The following SYN3 variants were observed in gnomAD, a reference collection of about 807,000 sequenced individuals.
SYN3 encodes synapsin-3.
SYN3 carries 35 observed loss-of-function variants against 65.8 expected under a neutral mutation model. The observed-to-expected ratio is 0.53, with a 90% CI of 0.41 to 0.70. SYN3 has a LOEUF of 0.70. SYN3 is among the 30% of genes least tolerant of loss of function. The pLI, the probability that SYN3 is intolerant of heterozygous loss-of-function variation, is 0.00. For missense variants in SYN3, 680 were observed against 749.0 expected (o/e 0.91, Z 1.08); for synonymous variants, 270 against 292.9 (o/e 0.92, Z 0.80).
At chr22:32,653,419 G>C (rs4821081) in intron 6 of SYN3, among the ~76,000 whole-genome samples, 52,899 of 151,954 alleles carry the variant, frequency 0.35, 11,652 homozygotes, top group East Asian at 0.75. Context: ...TGCTGCCAAT[G>C]AAAAATGAAA....
Position 32,531,374 on chromosome 22 carries a change from A to G in SYN3, c.1096-2366T>C, listed in dbSNP as rs116050840. ...GTCCTCTCTCCCCCTGCCCCTGCCA[A>G]CCCCATTTTATTCTGGTCTCTGTTT... On this transcript the variant is annotated intron_variant, in intron 10 of 13. Transcript: ENST00000358763. 9.5e-3 allele frequency among the ~76,000 whole-genome samples: 1,442 copies of G among 151,738 alleles called. 16 individuals are homozygous for G. Among genetic ancestry groups the G allele is most frequent in the South Asian group, 0.037 (177 of 4,792 alleles).
chr22:32,778,352 G>T (rs965773636), intron 6 of SYN3, among the ~76,000 whole-genome samples: 4 of 151,994 alleles, frequency 2.6e-5, no homozygotes. Flanking sequence ...GCAGAGGCAC[G>T]ATCTTGGCTC....
At chr22:32,576,809 A>C (rs1601675790) in intron 7 of SYN3, among the ~76,000 whole-genome samples, 2 of 137,772 alleles carry the variant, frequency 1.5e-5, no homozygotes. Flanking sequence ...CCCGCTTCCA[A>C]CCCCCACCCC....
At chr22:32,685,445 C>T (rs892233642) in intron 6 of SYN3, among the ~76,000 whole-genome samples, 1 of 152,200 alleles carries the variant, frequency 6.6e-6, no homozygotes, top group African/African-American at 2.4e-5. Context: ...ACAGTGGTCC[C>T]ACAAGATTGT....
chr22:32,561,079 C>T (rs2058580219), intron 7 of SYN3, among the ~76,000 whole-genome samples: 1 of 152,168 alleles, frequency 6.6e-6, no homozygotes, highest in African/African-American at 2.4e-5. Context: ...CAGTTGTGCC[C>T]ACGATCAGAG....
At chr22:32,868,522 C>A (rs2048751341) in intron 5 of SYN3, among the ~76,000 whole-genome samples, 1 of 151,888 alleles carries the variant, frequency 6.6e-6, no homozygotes, top group Non-Finnish European at 1.5e-5. Context: ...CTCACCACAA[C>A]CTCCGCCTCC....
Position 32,801,808 on chromosome 22 carries a change from C to T in SYN3, c.711+63107G>A, listed in dbSNP as rs2046590106. 1 of 522,394 alleles carries T rather than the reference C, an allele frequency of 1.9e-6. No individual in the cohort carries two copies. The highest frequency in any genetic ancestry group is 2.7e-6 in the Non-Finnish European group (1 of 370,432). 32.4% of individuals were successfully genotyped at this position (522,394 alleles called of 1,614,324 possible). A position where few individuals can be genotyped will look rare whatever the true frequency, so the allele number is the denominator to read the frequency against. ...CCGGGAGGCCGCCCGCCGAGTCCTGCGCCAGCGCCGAGGCAGCCTCGCTGC... is the reference window on the plus strand; with the variant it reads ...CCGGGAGGCCGCCCGCCGAGTCCTGTGCCAGCGCCGAGGCAGCCTCGCTGC... On this transcript the variant is annotated intron_variant, in intron 6 of 13. Coordinates refer to ENST00000358763, the MANE Select transcript of SYN3 (RefSeq NM_003490.4). This position sits in a 1 kb window ranked among gnomAD's most constrained non-coding sequence, Gnocchi z 4.7.
At chr22:33,048,843 A>G (rs182576487) in intron 1 of SYN3, among the ~76,000 whole-genome samples, 59 of 152,338 alleles carry the variant, frequency 3.9e-4, no homozygotes, top group Admixed American at 3.5e-3. Context: ...TCCAAACTGA[A>G]TGACGGAAAC....
intron 7 of SYN3, among the ~76,000 whole-genome samples, chr22:32,560,595 C>T (rs5998538): frequency 0.25 from 37,609 of 151,940 alleles, 5,084 homozygotes; most frequent in Admixed American, 0.33. Context: ...GAGAAGAGGC[C>T]GATGTGGATG....
intron 6 of SYN3, among the ~76,000 whole-genome samples, chr22:32,642,221 G>A (rs1027639800): frequency 1.3e-5 from 2 of 151,118 alleles, no homozygotes; most frequent in Admixed American, 6.6e-5. Context: ...CCTGGGAGAC[G>A]GAGGTTGCAG....
chr22:32,572,176 C>A (rs1337933701), intron 7 of SYN3, among the ~76,000 whole-genome samples: 1 of 147,462 alleles, frequency 6.8e-6, no homozygotes, highest in East Asian at 2.1e-4. Flanking sequence ...GTATAAAGTA[C>A]AGGTAGGTTT....
At chr22:32,922,323 T>G (rs1421530085) in intron 4 of SYN3, among the ~76,000 whole-genome samples, 1 of 152,150 alleles carries the variant, frequency 6.6e-6, no homozygotes, top group Non-Finnish European at 1.5e-5. Context: ...CCCCATCCAT[T>G]GGTGTTTCAG....
chr22:32,741,346 A>AGTTTTTTTTTTTT, intron 6 of SYN3, among the ~76,000 whole-genome samples: 2 of 137,322 alleles, frequency 1.5e-5, no homozygotes, highest in African/African-American at 5.5e-5. Context: ...TCTAGAGCCC[A>AGTTTTTTTTTTTT]ATTTTTTTTT....
intron 13 of SYN3, among the ~76,000 whole-genome samples, chr22:32,516,628 A>C (rs1016435949): frequency 1.1e-4 from 16 of 152,142 alleles, no homozygotes; most frequent in African/African-American, 3.1e-4. Flanking sequence ...GGCCTCCCAA[A>C]GTGTTGGGAT....
intron 1 of SYN3, among the ~76,000 whole-genome samples, chr22:33,045,290 G>T (rs1053010943): frequency 6.6e-6 from 1 of 152,094 alleles, no homozygotes; most frequent in Non-Finnish European, 1.5e-5. Flanking sequence ...TGTGTTCCAG[G>T]TGAACTGCTT....
intron 4 of SYN3, among the ~76,000 whole-genome samples, chr22:32,916,077 C>T (rs1406071958): frequency 6.6e-6 from 1 of 152,192 alleles, no homozygotes; most frequent in Non-Finnish European, 1.5e-5. Context: ...AACCAGCTAC[C>T]ACATGAGAAA....
At chr22:32,763,098 T>C (rs1484130661) in intron 6 of SYN3, among the ~76,000 whole-genome samples, 5 of 152,128 alleles carry the variant, frequency 3.3e-5, no homozygotes, top group Non-Finnish European at 7.3e-5. Context: ...TTTTTTAAAG[T>C]GTAACATAAC....
At chr22:32,964,197 G>A (rs113043260) in intron 3 of SYN3, among the ~76,000 whole-genome samples, 1,828 of 148,470 alleles carry the variant, frequency 0.012, 52 homozygotes, top group African/African-American at 0.043. Flanking sequence ...ACCAAACACC[G>A]CATGTTCTCA....
chr22:32,905,051 C>T (rs2049864444), intron 4 of SYN3, among the ~76,000 whole-genome samples: 1 of 152,146 alleles, frequency 6.6e-6, no homozygotes, highest in Non-Finnish European at 1.5e-5. Context: ...GTTTTCTCAT[C>T]TATAAAACCA....
Sources: gnomAD v4.1 joint callset for allele counts (sites outside exome capture counted in the v4.1 genomes callset) on GRCh38, gnomAD v4.1.1 for gene constraint, Gnocchi (gnomAD v3.1) non-coding constraint, MANE v1.5 for transcripts, NCBI Gene and HGNC (gene_info 2026-07-23, HGNC 2026-07-21) for gene names.